PDE4D: variants seen among roughly 807,000 people sequenced by gnomAD.
The protein encoded by PDE4D is 3',5'-cyclic-AMP phosphodiesterase 4D.
A neutral mutation model predicts 87.4 loss-of-function variants in PDE4D; 24 were observed. The ratio of observed to expected loss-of-function variants is 0.27; its 90% CI spans 0.20 to 0.39. The LOEUF is 0.39. PDE4D is among the 10% of genes least tolerant of loss of function. The pLI, the probability that PDE4D is intolerant of heterozygous loss-of-function variation, is 1.00. For missense variants in PDE4D, 714 were observed against 1,041.0 expected (o/e 0.69, Z 4.32); for synonymous variants, 384 against 383.2 (o/e 1.00, Z -0.02).
At chr5:60,366,421 A>G (rs1381395767) in intron 1 of PDE4D, among the ~76,000 whole-genome samples, 1 of 152,200 alleles carries the variant, frequency 6.6e-6, no homozygotes, top group African/African-American at 2.4e-5. Context: ...TTTCAAGCAT[A>G]AGGCACTTGG....
intron 13 of PDE4D, 99 bp downstream of exon 13, chr5:58,976,251 G>C: frequency 7.9e-7 from 1 of 1,273,608 alleles, no homozygotes; most frequent in Admixed American, 2.7e-5. Flanking sequence ...AGTATAAGGT[G>C]GGAGAAGGAA....
At chr5:60,327,522 T>C (rs1431285254) in intron 1 of PDE4D, among the ~76,000 whole-genome samples, 2 of 152,200 alleles carry the variant, frequency 1.3e-5, no homozygotes, top group African/African-American at 4.8e-5. Flanking sequence ...TATACCAAAA[T>C]GGCATATTCT....
At chr5:60,403,868 A>G (rs1443513977) in intron 1 of PDE4D, among the ~76,000 whole-genome samples, 1 of 152,254 alleles carries the variant, frequency 6.6e-6, no homozygotes, top group Non-Finnish European at 1.5e-5. Flanking sequence ...TGCTTGGCAT[A>G]TAGTAAATGC....
At chr5:60,274,733 A>AGC in intron 1 of PDE4D, among the ~76,000 whole-genome samples, 1 of 152,344 alleles carries the variant, frequency 6.6e-6, no homozygotes, top group Non-Finnish European at 1.5e-5. Context: ...CAGAAAACCA[A>AGC]GCAGAGATCA....
At chr5:59,125,270 T>A in intron 5 of PDE4D, 1 of 984,936 alleles carries the variant, frequency 1.0e-6, no homozygotes, top group Non-Finnish European at 1.2e-6. Context: ...AGCCAGACCT[T>A]AGGGAAAATC....
At chr5:59,802,852 C>T (rs1767305738) in intron 1 of PDE4D, among the ~76,000 whole-genome samples, 1 of 152,094 alleles carries the variant, frequency 6.6e-6, no homozygotes. Flanking sequence ...TGCAGTGCTC[C>T]CTGCTAGGCA....
At chr5:59,431,488 C>A (rs1188374528) in intron 1 of PDE4D, among the ~76,000 whole-genome samples, 1 of 152,042 alleles carries the variant, frequency 6.6e-6, no homozygotes, top group Non-Finnish European at 1.5e-5. Flanking sequence ...CATCCTGGGA[C>A]CTGGGTAAAC....
intron 3 of PDE4D, among the ~76,000 whole-genome samples, chr5:59,192,824 C>A (rs1161337174): frequency 1.3e-5 from 2 of 152,150 alleles, no homozygotes; most frequent in Non-Finnish European, 2.9e-5. Context: ...TGTAACAGAT[C>A]TCCAAATTTT....
At chr5:59,389,949 T>C (rs1310043659) in intron 1 of PDE4D, among the ~76,000 whole-genome samples, 1 of 152,134 alleles carries the variant, frequency 6.6e-6, no homozygotes, top group Non-Finnish European at 1.5e-5. Context: ...AAGGTGACTA[T>C]AGCTAACAAT....
chr5:59,633,085 A>G (rs1412489473), intron 1 of PDE4D, among the ~76,000 whole-genome samples: 2 of 152,208 alleles, frequency 1.3e-5, no homozygotes, highest in Non-Finnish European at 2.9e-5. Flanking sequence ...GAACATCGTG[A>G]AGCTTACCAC....
intron 1 of PDE4D, among the ~76,000 whole-genome samples, chr5:60,474,523 C>G (rs1015168284): frequency 2.6e-5 from 4 of 152,050 alleles, no homozygotes; most frequent in African/African-American, 9.7e-5. Flanking sequence ...TGTCCTTCAC[C>G]CACCAAATTA....
At chr5:60,289,539 CT>C (rs1037171328) in intron 1 of PDE4D, among the ~76,000 whole-genome samples, 2 of 152,194 alleles carry the variant, frequency 1.3e-5, no homozygotes, top group African/African-American at 4.8e-5. Flanking sequence ...TTCCCCACCC[CT>C]GTAGAGGAGA....
chr5:59,014,836 C>A (rs571564619), intron 6 of PDE4D, among the ~76,000 whole-genome samples: 1 of 152,272 alleles, frequency 6.6e-6, no homozygotes, highest in South Asian at 2.1e-4. Context: ...GCAAAAAGAA[C>A]AAAGCTGGAG....
chr5:59,922,646 C>A (rs1296761890), intron 3 of PDE4D, among the ~76,000 whole-genome samples: 1 of 152,062 alleles, frequency 6.6e-6, no homozygotes, highest in Non-Finnish European at 1.5e-5. Flanking sequence ...GCAGTCCTGG[C>A]AGCATTCATC....
chr5:60,276,284 T>C (rs1751357537), intron 1 of PDE4D, among the ~76,000 whole-genome samples: 1 of 152,198 alleles, frequency 6.6e-6, no homozygotes, highest in Middle Eastern at 3.2e-3. Context: ...CATCAGGTTT[T>C]GCTTGGATAT....
chr5:60,286,749 C>T (rs1193329696), intron 1 of PDE4D, among the ~76,000 whole-genome samples: 2 of 152,176 alleles, frequency 1.3e-5, no homozygotes, highest in African/African-American at 4.8e-5. Context: ...AGAATATTGA[C>T]TTACTGTCAG....
chr5:60,256,181 A>G (rs997904849), intron 1 of PDE4D, among the ~76,000 whole-genome samples: 16 of 151,870 alleles, frequency 1.1e-4, no homozygotes, highest in African/African-American at 3.9e-4. Flanking sequence ...TGTCCTCTCT[A>G]TTCCAAACTG....
intron 1 of PDE4D, among the ~76,000 whole-genome samples, chr5:59,592,759 A>C (rs1267992420): frequency 2.0e-5 from 3 of 152,110 alleles, no homozygotes; most frequent in Non-Finnish European, 4.4e-5. Context: ...ATACTTAAGA[A>C]TCAAAAGTGG....
intron 1 of PDE4D, among the ~76,000 whole-genome samples, chr5:60,319,332 C>G (rs1459240526): frequency 1.3e-5 from 2 of 152,206 alleles, no homozygotes; most frequent in Non-Finnish European, 2.9e-5. Context: ...GTTTTCACCT[C>G]CATCAGGTCC....
Sources: allele counts gnomAD v4.1 joint callset (sites outside exome capture counted in the v4.1 genomes callset), GRCh38; gene constraint gnomAD v4.1.1; transcripts MANE v1.5; gene names NCBI Gene and HGNC (gene_info 2026-07-23, HGNC 2026-07-21).